Variants in PAPPA observed in about 807,000 individuals in gnomAD.
The protein encoded by PAPPA is pappalysin-1.
PAPPA carries 60 observed loss-of-function variants against 164.0 expected under a neutral mutation model. That is an observed-to-expected ratio of 0.37 (90% CI 0.30 to 0.45). The LOEUF is 0.45. Ranked by LOEUF, PAPPA falls within the 20% of genes least tolerant of loss-of-function variation. The probability of loss-of-function intolerance (pLI) is 1.00; values close to 1 mark genes in which losing one functional copy is unlikely to be tolerated. For missense variants in PAPPA, 1,782 were observed against 2,087.3 expected (o/e 0.85, Z 2.85); for synonymous variants, 875 against 814.1 (o/e 1.07, Z -1.27).
chr9:116,154,408 A>G lies in PAPPA; in HGVS notation c.236A>G (p.Gln79Arg), dbSNP rs1324073281. 2 of 1,180,590 alleles carry G rather than the reference A, an allele frequency of 1.7e-6. No individual in the cohort carries two copies. Among genetic ancestry groups the G allele is most frequent in the East Asian group, 3.2e-5 (1 of 30,926 alleles). 73.1% of individuals were successfully genotyped at this position (1,180,590 alleles called of 1,614,324 possible). Reference sequence around the variant, plus strand: ...GCCGTGCGCGTCCCCCGGCGGCGGCAGCAGCGGGAGGCGAGGGGCGCCACC... The same window carrying G: ...GCCGTGCGCGTCCCCCGGCGGCGGCGGCAGCGGGAGGCGAGGGGCGCCACC... The part of the protein sequence containing the change: ...WEAVRVPRRR[Q>R]QREARGATEE... The change falls in exon 1 of 22, where the codon CAG becomes CGG. Residue 79 changes from glutamine to arginine, a missense_variant. By Grantham distance (43) the Gln-to-Arg change is conservative (BLOSUM62 1). Coordinates refer to ENST00000328252, the MANE Select transcript of PAPPA (RefSeq NM_002581.5). The surrounding 1 kb of genome is among the most constrained non-coding windows in gnomAD (Gnocchi z 5.2).
chr9:116,163,023 A>C (rs2859735), intron 1 of PAPPA, among the ~76,000 whole-genome samples: 68,265 of 152,116 alleles, frequency 0.45, 18,285 homozygotes, highest in Non-Finnish European at 0.61. Flanking sequence ...GAGACCAGGT[A>C]AAATTTGTCT....
At chr9:116,209,491 C>T (rs965116339) in intron 3 of PAPPA, among the ~76,000 whole-genome samples, 3 of 152,188 alleles carry the variant, frequency 2.0e-5, no homozygotes, top group African/African-American at 7.2e-5. Flanking sequence ...GAAAAAACTA[C>T]TCCTGATAAT....
chr9:116,367,749 G>A lies in PAPPA; in HGVS notation c.4600G>A (p.Val1534Ile). The A allele has an allele frequency of 1.2e-6, 2 of 1,608,212 alleles. No individual in the cohort carries two copies. Among genetic ancestry groups the A allele is most frequent in the Non-Finnish European group, 1.7e-6 (2 of 1,174,834 alleles). The change falls in exon 19 of 22, where the codon GTA (valine) becomes ATA (isoleucine). Residue 1534 changes from valine (V) to isoleucine (I), a missense_variant. Transcript: ENST00000328252. ...CCCCCACTGGCTGAACCCCACACGG[G>A]TAGAGGTGAGTGACCAGGGACATCT... ...DIPHWLNPTR[V>I]ERVVCTAGLK... is the part of the protein sequence containing the mutation.
intron 18 of PAPPA, among the ~76,000 whole-genome samples, chr9:116,366,026 AT>A (rs1846496577): frequency 6.6e-6 from 1 of 152,128 alleles, no homozygotes; most frequent in Non-Finnish European, 1.5e-5. Flanking sequence ...ATACATACAT[AT>A]GTATATTTGG....
Position 116,400,728 on chromosome 9 carries a change from A to AACTT in PAPPA, c.*4114_*4117dup, listed in dbSNP as rs1214584769. 2.0e-5 allele frequency: 3 copies of AACTT among 152,442 alleles called. No homozygotes were observed. The highest frequency in any genetic ancestry group is 1.9e-4 in the East Asian group (1 of 5,190). 9.4% of individuals were successfully genotyped at this position (152,442 alleles called of 1,614,324 possible). A position where few individuals can be genotyped will look rare whatever the true frequency, so the allele number is the denominator to read the frequency against. On this transcript the variant is annotated 3_prime_UTR_variant, in exon 22 of 22. Coordinates refer to ENST00000328252, the MANE Select transcript of PAPPA (RefSeq NM_002581.5). The stretch of plus-strand genomic sequence containing the variant: ...CAAATGAATAAAAGCCTGTTCTTGT[A>AACTT]ACTTATTCAACTTTTGCCAAATTCC...
At chr9:116,237,753 A>C (rs1587966376) in intron 7 of PAPPA, among the ~76,000 whole-genome samples, 1 of 146,146 alleles carries the variant, frequency 6.8e-6, no homozygotes, top group Non-Finnish European at 1.5e-5. Context: ...ACAGTCTTGC[A>C]CTCTTGCCCA....
intron 10 of PAPPA, among the ~76,000 whole-genome samples, chr9:116,327,361 G>C (rs1845933902): frequency 6.6e-6 from 1 of 152,156 alleles, no homozygotes; most frequent in Non-Finnish European, 1.5e-5. Context: ...AGATTGGGAA[G>C]GGGGAAAAGG....
intron 10 of PAPPA, among the ~76,000 whole-genome samples, chr9:116,327,537 C>T (rs778352740): frequency 6.6e-6 from 1 of 151,842 alleles, no homozygotes; most frequent in Non-Finnish European, 1.5e-5. Flanking sequence ...TCAGTAAAGT[C>T]AACATTGCTC....
chr9:116,161,212 T>C lies in PAPPA; in HGVS notation c.415+6625T>C, dbSNP rs138914324. 2.2e-3 allele frequency among the ~76,000 whole-genome samples: 332 copies of C among 152,322 alleles called. 1 individual carries two copies. The highest frequency in any genetic ancestry group is 0.01 in the Middle Eastern group (3 of 292). On this transcript the variant is annotated intron_variant, in intron 1 of 21. Transcript: ENST00000328252. Reference sequence around the variant, plus strand: ...ACAGTGATGGAGTTAGCAAACCTTTTCATGCCTGTGACCTCACTGGAGTTC... The same window carrying C: ...ACAGTGATGGAGTTAGCAAACCTTTCCATGCCTGTGACCTCACTGGAGTTC...
rs915708329 is a variant in PAPPA, at chr9:116,187,568, C to A, written c.830C>A (p.Ala277Asp). The change falls in exon 2 of 22, where the codon GCC (alanine) becomes GAC (aspartate). Residue 277 changes from alanine to aspartate, a missense_variant. Transcript: ENST00000328252. This position sits in a 1 kb window ranked among gnomAD's most constrained non-coding sequence, Gnocchi z 4.2. The stretch of plus-strand genomic sequence containing the variant: ...CTGTCTGACATGGAAACCCATGGCG[C>A]CCACACTGCTCTACCTCAGCTCCTC... ...EILSDMETHGAHTALPQLLLQ... is the reference protein window; with the variant it reads ...EILSDMETHGDHTALPQLLLQ... 6.2e-7 allele frequency: 1 copy of A among 1,614,190 alleles called. No homozygotes were observed.
chr9:116,297,733 T>C lies in PAPPA; in HGVS notation c.2954-5024T>C, dbSNP rs191890296. The stretch of plus-strand genomic sequence containing the variant: ...ATCATGTCTATCCTTCAAGATACCT[T>C]AGGGTCTAGGGCTGGGTAGAGAAAA... On this transcript the variant is annotated intron_variant, in intron 9 of 21. Coordinates refer to ENST00000328252, the MANE Select transcript of PAPPA (RefSeq NM_002581.5). 1.5e-3 allele frequency among the ~76,000 whole-genome samples: 230 copies of C among 152,324 alleles called. 1 individual carries two copies. The highest frequency in any genetic ancestry group is 5.2e-3 in the African/African-American group (215 of 41,574).
At chr9:116,191,372 G>T (rs758949245) in intron 2 of PAPPA, among the ~76,000 whole-genome samples, 2 of 152,146 alleles carry the variant, frequency 1.3e-5, no homozygotes, top group African/African-American at 2.4e-5. Context: ...TGGTGGAGAC[G>T]GTGGCCTTGT....
chr9:116,217,477 T>C (rs1024448070), intron 4 of PAPPA, among the ~76,000 whole-genome samples: 1 of 152,234 alleles, frequency 6.6e-6, no homozygotes, highest in African/African-American at 2.4e-5. Context: ...TTATAAATTA[T>C]GCTTCAAGAA....
chr9:116,222,590 G>A (rs407310), intron 5 of PAPPA, among the ~76,000 whole-genome samples: 80,721 of 151,816 alleles, frequency 0.53, 21,977 homozygotes, highest in East Asian at 0.81. Flanking sequence ...AATAAGCTAG[G>A]CACAGAAAGA....
chr9:116,373,799 T>C (rs1846608028), intron 19 of PAPPA: 1 of 152,032 alleles, frequency 6.6e-6, no homozygotes, highest in Admixed American at 6.5e-5. Context: ...ACCAGATAAA[T>C]GTGGGTTTAA....
In PAPPA at chr9:116,252,312, G is replaced by A. The variant is rs78100431; in HGVS notation, c.2733-13545G>A. Among the ~76,000 whole-genome samples, 1,128 of 152,362 alleles carry A rather than the reference G, an allele frequency of 7.4e-3. 13 individuals are homozygous for A. Among genetic ancestry groups the A allele is most frequent in the Non-Finnish European group, 0.012 (823 of 68,028 alleles). On this transcript the variant is annotated intron_variant, in intron 7 of 21. Coordinates refer to ENST00000328252, the MANE Select transcript of PAPPA (RefSeq NM_002581.5). ...AGAAGGAATCCAAATGCCCAATGGA[G>A]TCTCAGATCTCTGTCATCTCATTTT...
At chr9:116,382,875 C>T (rs1033791065) in intron 21 of PAPPA, among the ~76,000 whole-genome samples, 1 of 151,974 alleles carries the variant, frequency 6.6e-6, no homozygotes, top group Non-Finnish European at 1.5e-5. Flanking sequence ...AGGAGGTGGT[C>T]AAAAGAACGG....
Position 116,399,445 on chromosome 9 carries a change from T to C in PAPPA, c.*2829T>C, listed in dbSNP as rs1350047480. 1 of 152,616 alleles carries C rather than the reference T, an allele frequency of 6.6e-6. No homozygotes were observed. The highest frequency in any genetic ancestry group is 2.4e-5 in the African/African-American group (1 of 41,438). 9.5% of individuals were successfully genotyped at this position (152,616 alleles called of 1,614,324 possible). A position where few individuals can be genotyped will look rare whatever the true frequency, so the allele number is the denominator to read the frequency against. On this transcript the variant is annotated 3_prime_UTR_variant, in exon 22 of 22. Transcript: ENST00000328252. ...GCATTTGTTCCCAGTTTCATTTTCT[T>C]CCTGGGAATTAACTCGTCATTTCAT...
At chr9:116,309,627 G>C (rs1275151998) in intron 10 of PAPPA, among the ~76,000 whole-genome samples, 1 of 152,122 alleles carries the variant, frequency 6.6e-6, no homozygotes, top group Non-Finnish European at 1.5e-5. Flanking sequence ...CTGGAGGACA[G>C]GAGAGGGAGG....
Sources: gnomAD v4.1 joint callset for allele counts (sites outside exome capture counted in the v4.1 genomes callset) on GRCh38, gnomAD v4.1.1 for gene constraint, Gnocchi (gnomAD v3.1) non-coding constraint, MANE v1.5 for transcripts, NCBI Gene and HGNC (gene_info 2026-07-23, HGNC 2026-07-21) for gene names.